The following ADAM7 variants were observed in gnomAD, a reference collection of about 807,000 sequenced individuals.
ADAM7 encodes ADAM metallopeptidase domain 7, also known as disintegrin and metalloproteinase domain-containing protein 7.
Under a neutral mutation model 102.9 loss-of-function variants are expected in ADAM7, and 97 were observed. The ratio of observed to expected loss-of-function variants is 0.94; its 90% CI spans 0.80 to 1.12. ADAM7 has a LOEUF of 1.12. ADAM7 is among the 50% of genes most tolerant of loss of function. The pLI, the probability that ADAM7 is intolerant of heterozygous loss-of-function variation, is 0.00. For synonymous variants in ADAM7, 334 were observed against 304.4 expected (o/e 1.10, Z -1.01); for missense variants, 991 against 908.7 (o/e 1.09, Z -1.16).
intron 3 of ADAM7, among the ~76,000 whole-genome samples, chr8:24,448,017 A>G (rs747220338): frequency 6.6e-6 from 1 of 151,466 alleles, no homozygotes. Flanking sequence ...TGAATCCGTC[A>G]CCAGACAAAT....
In ADAM7 at chr8:24,490,945, C is replaced by T. The variant is rs371171115; in HGVS notation, c.1356+57C>T. 15 of 1,567,048 alleles carry T rather than the reference C, an allele frequency of 9.6e-6. No individual in the cohort carries two copies. In the African/African-American group the frequency reaches 1.5e-4, roughly 16 times the overall value. ...TTTTCAGTTTAAGAATATGTAGGATCCAAGAGTTATCTAACCACTGGACAG... is the reference window on the plus strand; with the variant it reads ...TTTTCAGTTTAAGAATATGTAGGATTCAAGAGTTATCTAACCACTGGACAG... On this transcript the variant is annotated intron_variant, in intron 13 of 21. Transcript: ENST00000175238.
intron 3 of ADAM7, among the ~76,000 whole-genome samples, chr8:24,447,632 T>C (rs147208110): frequency 6.6e-6 from 1 of 152,300 alleles, no homozygotes; most frequent in Non-Finnish European, 1.5e-5. Flanking sequence ...AGATATCAAA[T>C]CAAGTTCCAT....
intron 3 of ADAM7, among the ~76,000 whole-genome samples, chr8:24,452,119 A>G (rs1585856129): frequency 6.6e-6 from 1 of 151,092 alleles, no homozygotes; most frequent in Non-Finnish European, 1.5e-5. Context: ...AAAAAAATGT[A>G]TATTCTGTTG....
In ADAM7 at chr8:24,507,546, C is replaced by A. The variant is rs372171024; in HGVS notation, c.2264+11C>A. On this transcript the variant is annotated intron_variant, in intron 21 of 21. Transcript: ENST00000175238. ...TCAAAGTGCCAAGTGGTAGGTTACCCTGACAGATAGTACCTCCCTTTTTTA... is the reference window on the plus strand; with the variant it reads ...TCAAAGTGCCAAGTGGTAGGTTACCATGACAGATAGTACCTCCCTTTTTTA... The A allele has an allele frequency of 6.2e-7, 1 of 1,603,040 alleles. No homozygotes were observed. Among genetic ancestry groups the A allele is most frequent in the South Asian group, 1.1e-5 (1 of 90,838 alleles).
intron 3 of ADAM7, among the ~76,000 whole-genome samples, chr8:24,452,103 G>A (rs1304833413): frequency 6.6e-6 from 1 of 151,450 alleles, no homozygotes; most frequent in African/African-American, 2.4e-5. Context: ...GTGTGGTGTG[G>A]TGCTGAAAAA....
chr8:24,452,708 T>G (rs1360847404), intron 3 of ADAM7, among the ~76,000 whole-genome samples: 3 of 151,404 alleles, frequency 2.0e-5, no homozygotes, highest in East Asian at 3.9e-4. Flanking sequence ...GTTAGCTGGT[T>G]ATTTTGCTGG....
chr8:24,498,111 G>A (rs1039476318), intron 16 of ADAM7, among the ~76,000 whole-genome samples: 1 of 151,422 alleles, frequency 6.6e-6, no homozygotes, highest in Non-Finnish European at 1.5e-5. Flanking sequence ...AAATTTAGAA[G>A]GTAAAATAAG....
chr8:24,488,371 A>T (rs1820216832), intron 11 of ADAM7, among the ~76,000 whole-genome samples: 1 of 152,220 alleles, frequency 6.6e-6, no homozygotes, highest in Non-Finnish European at 1.5e-5. Flanking sequence ...GCAGGTATAC[A>T]TAAAGCATTG....
intron 20 of ADAM7, among the ~76,000 whole-genome samples, chr8:24,505,469 G>C (rs1187042234): frequency 6.6e-6 from 1 of 152,044 alleles, no homozygotes. Context: ...CACATTTAGG[G>C]TTTTTGTATT....
At chr8:24,466,740 T>C in intron 5 of ADAM7, 59 bp from the exon 6 acceptor site, 1 of 1,501,954 alleles carries the variant, frequency 6.7e-7, no homozygotes, top group Non-Finnish European at 9.1e-7. Flanking sequence ...GCAAAGTCAA[T>C]ACAATGAAAT....
chr8:24,476,953 C>A (rs1329483918), intron 8 of ADAM7, among the ~76,000 whole-genome samples: 4 of 151,936 alleles, frequency 2.6e-5, no homozygotes, highest in Admixed American at 2.6e-4. Flanking sequence ...GGTATATAAC[C>A]CTTTAAAAAA....
intron 3 of ADAM7, among the ~76,000 whole-genome samples, chr8:24,449,288 G>T (rs201081064): frequency 6.6e-6 from 1 of 152,060 alleles, no homozygotes; most frequent in South Asian, 2.1e-4. Context: ...AAGTGTTCCT[G>T]TTTCTCCACA....
chr8:24,508,234 T>C (rs1821015910), intron 21 of ADAM7, among the ~76,000 whole-genome samples: 1 of 152,208 alleles, frequency 6.6e-6, no homozygotes, highest in South Asian at 2.1e-4. Flanking sequence ...CATTTTCTAA[T>C]GATCTTTCCA....
intron 9 of ADAM7, among the ~76,000 whole-genome samples, chr8:24,484,004 T>C (rs1439402758): frequency 6.6e-6 from 1 of 152,140 alleles, no homozygotes; most frequent in Non-Finnish European, 1.5e-5. Context: ...TACCTGCCCT[T>C]CTGTATTCAC....
intron 3 of ADAM7, among the ~76,000 whole-genome samples, chr8:24,459,210 G>T (rs1046190847): frequency 1.4e-4 from 21 of 151,818 alleles, no homozygotes; most frequent in African/African-American, 5.1e-4. Flanking sequence ...GTTATTCAAA[G>T]TTTCTATTTT....
intron 2 of ADAM7, among the ~76,000 whole-genome samples, chr8:24,446,556 A>G (rs942035263): frequency 1.3e-5 from 2 of 152,202 alleles, no homozygotes; most frequent in East Asian, 3.9e-4. Flanking sequence ...CAAATTTCTC[A>G]TAGTAAATAT....
At chr8:24,496,069 G>A (rs369560841) in intron 16 of ADAM7, among the ~76,000 whole-genome samples, 16 of 152,188 alleles carry the variant, frequency 1.1e-4, no homozygotes, top group Admixed American at 2.6e-4. Flanking sequence ...CAGGGTCCCC[G>A]TGCTGTGTGC....
At chr8:24,479,152 T>C (rs1205552986) in intron 8 of ADAM7, among the ~76,000 whole-genome samples, 6 of 152,024 alleles carry the variant, frequency 3.9e-5, no homozygotes, top group Non-Finnish European at 5.9e-5. Flanking sequence ...AGTAGTGGCG[T>C]GTTGTTTGTT....
intron 20 of ADAM7, among the ~76,000 whole-genome samples, chr8:24,504,878 C>T (rs1326783220): frequency 6.6e-6 from 1 of 152,030 alleles, no homozygotes; most frequent in African/African-American, 2.4e-5. Flanking sequence ...TCATTTTTAT[C>T]CATTTATACT....
Sources: allele counts gnomAD v4.1 joint callset (sites outside exome capture counted in the v4.1 genomes callset), GRCh38; gene constraint gnomAD v4.1.1; transcripts MANE v1.5; gene names NCBI Gene and HGNC (gene_info 2026-07-23, HGNC 2026-07-21).